ARL6IP1: variants seen among roughly 807,000 people sequenced by gnomAD.
ARL6IP1 encodes ADP-ribosylation factor-like protein 6-interacting protein 1.
ARL6IP1 carries 16 observed loss-of-function variants against 30.1 expected under a neutral mutation model. The observed-to-expected ratio is 0.53, with a 90% CI of 0.36 to 0.81. The LOEUF (loss-of-function observed/expected upper bound fraction) is 0.81. Among genes scored for constraint, ARL6IP1 ranks in the 30% least tolerant of loss-of-function variants. ARL6IP1 has a pLI of 0.01. For missense variants in ARL6IP1, 173 were observed against 242.7 expected, an observed-to-expected ratio of 0.71 and a Z score of 1.91; for synonymous variants, 72 against 84.8, an observed-to-expected ratio of 0.85 and a Z score of 0.83.
At chr16:18,793,984 T>G (rs1186629459) in intron 5 of ARL6IP1, among the ~76,000 whole-genome samples, 1 of 144,862 alleles carries the variant, frequency 6.9e-6, no homozygotes, top group Non-Finnish European at 1.5e-5. Context: ...ATGGCGGTGG[T>G]GGGTGGGGGG....
intron 3 of ARL6IP1, among the ~76,000 whole-genome samples, 166 bp from the exon 4 acceptor site, chr16:18,795,747 T>C (rs1163075670): frequency 6.6e-6 from 1 of 152,174 alleles, no homozygotes; most frequent in Non-Finnish European, 1.5e-5. Flanking sequence ...AAGACACCTT[T>C]TATAGCACAG....
chr16:18,794,373 T>TTCCACCTCAGAAAATAA, intron 5 of ARL6IP1, among the ~76,000 whole-genome samples: 1 of 152,370 alleles, frequency 6.6e-6, no homozygotes. Flanking sequence ...TCATCCCCTC[T>TTCCACCTCAGAAAATAA]TCCACCTCAG....
At position 18,792,865 on chromosome 16, in the gene ARL6IP1, T is replaced by G. The variant is rs568360037; in HGVS notation, c.*387A>C. The stretch of plus-strand genomic sequence containing the variant: ...GTGGAAGCAGACAGAACCAGCTTCC[T>G]GTAGCCACAGACCACTACATGGTAT... On this transcript the variant is annotated 3_prime_UTR_variant, in exon 6 of 6. Transcript: ENST00000304414. 1 of 154,108 alleles carries G rather than the reference T, an allele frequency of 6.5e-6. No individual in the cohort carries two copies. The highest frequency in any genetic ancestry group is 1.9e-4 in the East Asian group (1 of 5,252). 9.5% of individuals were successfully genotyped at this position (154,108 alleles called of 1,614,324 possible). A position where few individuals can be genotyped will look rare whatever the true frequency, so the allele number is the denominator to read the frequency against.
chr16:18,801,264 C>T, intron 1 of ARL6IP1, 167 bp downstream of exon 1: 5 of 1,444,664 alleles, frequency 3.5e-6, no homozygotes, highest in Non-Finnish European at 4.5e-6. Context: ...GGTAAGGGTT[C>T]GACACCCAGG....
chr16:18,801,181 TTCC>T (rs1291335624), intron 1 of ARL6IP1: 19 of 1,397,522 alleles, frequency 1.4e-5, no homozygotes, highest in Middle Eastern at 2.7e-4. Context: ...TGCCTCCCAC[TTCC>T]TCCTCGACTC....
chr16:18,801,077 G>T, intron 1 of ARL6IP1: 1 of 788,406 alleles, frequency 1.3e-6, no homozygotes, highest in Non-Finnish European at 1.7e-6. Context: ...GGGGAAAGCC[G>T]AATACGGCTG....
At chr16:18,800,779 C>G (rs544832289) in intron 1 of ARL6IP1, among the ~76,000 whole-genome samples, 30 of 152,354 alleles carry the variant, frequency 2.0e-4, no homozygotes, top group African/African-American at 7.0e-4. Context: ...ATGATACCAT[C>G]TCACTGCAGT....
chr16:18,794,556 T>G (rs761539039), intron 5 of ARL6IP1, 43 bp downstream of exon 5: 2 of 1,484,506 alleles, frequency 1.3e-6, no homozygotes, highest in Non-Finnish European at 1.9e-6. Flanking sequence ...CAGTTAAATT[T>G]CACTGGCCAG....
intron 2 of ARL6IP1, chr16:18,798,441 A>G: frequency 2.5e-6 from 1 of 398,292 alleles, no homozygotes; most frequent in Non-Finnish European, 4.4e-6. Context: ...CTTAAAGTAT[A>G]ATAACAAAAA....
At chr16:18,796,745 G>A (rs2030242676) in intron 3 of ARL6IP1, among the ~76,000 whole-genome samples, 1 of 152,284 alleles carries the variant, frequency 6.6e-6, no homozygotes, top group South Asian at 2.1e-4. Flanking sequence ...TCTGCTGTTG[G>A]GGGAAACACC....
rs1162988636 is a variant in ARL6IP1 at position 18,799,567 on chromosome 16, T to C, written c.37-733A>G. Among the ~76,000 whole-genome samples, 3 of 152,228 alleles carry C rather than the reference T, an allele frequency of 2.0e-5. No individual in the cohort carries two copies. The East Asian group carries it at 5.8e-4, about 29-fold the overall frequency. On this transcript the variant is annotated intron_variant, in intron 1 of 5. Transcript: ENST00000304414. ...GATGGTTAGAATTGATCCGTTGTTT[T>C]TGTCATCTTATTGATTTAAACCCTT...
At chr16:18,795,717 G>C in intron 3 of ARL6IP1, 136 bp from the exon 4 acceptor site, 1 of 618,210 alleles carries the variant, frequency 1.6e-6, no homozygotes. Context: ...TTATGTAGGT[G>C]AAAAAATCCT....
intron 1 of ARL6IP1, among the ~76,000 whole-genome samples, chr16:18,799,612 C>A (rs1325178609): frequency 6.6e-6 from 1 of 152,172 alleles, no homozygotes; most frequent in Non-Finnish European, 1.5e-5. Context: ...TTAGGAAAGA[C>A]TTTCCCTGAA....
At chr16:18,800,478 GAACT>G (rs1395819719) in intron 1 of ARL6IP1, among the ~76,000 whole-genome samples, 5 of 152,176 alleles carry the variant, frequency 3.3e-5, no homozygotes, top group African/African-American at 9.7e-5. Flanking sequence ...TCCACGCTGA[GAACT>G]AACTATGCTA....
At chr16:18,795,896 A>G (rs746861021) in intron 3 of ARL6IP1, among the ~76,000 whole-genome samples, 51 of 152,218 alleles carry the variant, frequency 3.4e-4, no homozygotes, top group Admixed American at 1.0e-3. Context: ...TATGGGCCAT[A>G]AAGAAATCAG....
At chr16:18,795,637 T>C in intron 3 of ARL6IP1, 56 bp from the exon 4 acceptor site, 1 of 1,113,516 alleles carries the variant, frequency 9.0e-7, no homozygotes, top group Non-Finnish European at 1.4e-6. Context: ...GACAAAAACA[T>C]GACACCCTGT....
At position 18,798,231 on chromosome 16, in the gene ARL6IP1, A is replaced by C. The variant is rs1596948087; in HGVS notation, c.171-187T>G. On this transcript the variant is annotated intron_variant, in intron 2 of 5. Transcript: ENST00000304414. ...TGCTGATATCATAGCTGCAGTGGTT[A>C]AGTATATATCAATGGACAAAAGCTC... is the stretch of plus-strand genomic sequence containing the variant. 10 of 529,990 alleles carry C rather than the reference A, an allele frequency of 1.9e-5. No homozygotes were observed. The East Asian group carries it at 3.5e-4, about 19-fold the overall frequency. The allele number at this position is 529,990 out of a possible 1,614,324, so 32.8% of individuals were successfully genotyped here. A position where few individuals can be genotyped will look rare whatever the true frequency, so the allele number is the denominator to read the frequency against.
At chr16:18,796,083 AAT>A (rs1295923213) in intron 3 of ARL6IP1, among the ~76,000 whole-genome samples, 1 of 152,360 alleles carries the variant, frequency 6.6e-6, no homozygotes, top group East Asian at 1.9e-4. Context: ...ACAAGGCAGC[AAT>A]AAACAGCTCA....
At chr16:18,795,646 G>C in intron 3 of ARL6IP1, 65 bp from the exon 4 acceptor site, 2 of 1,028,160 alleles carry the variant, frequency 1.9e-6, no homozygotes, top group African/African-American at 3.2e-5. Context: ...ATGACACCCT[G>C]TTCAATTTAA....
Sources: gnomAD v4.1 joint callset for allele counts (sites outside exome capture counted in the v4.1 genomes callset) on GRCh38, gnomAD v4.1.1 for gene constraint, MANE v1.5 for transcripts, NCBI Gene and HGNC (gene_info 2026-07-23, HGNC 2026-07-21) for gene names.